PCYT1B: variants seen among roughly 807,000 people sequenced by gnomAD.
PCYT1B encodes the protein choline-phosphate cytidylyltransferase B.
A neutral mutation model predicts 26.4 loss-of-function variants in PCYT1B; 10 were observed. That is an observed-to-expected ratio of 0.38 (90% CI 0.23 to 0.64). The LOEUF (loss-of-function observed/expected upper bound fraction) is 0.64, where lower values mean the gene tolerates loss of function less well. Ranked by LOEUF, PCYT1B falls within the 30% of genes least tolerant of loss-of-function variation. PCYT1B has a pLI of 0.56. For synonymous variants in PCYT1B, 131 were observed against 108.4 expected, an observed-to-expected ratio of 1.21 and a Z score of -1.29; for missense variants, 161 against 292.7, an observed-to-expected ratio of 0.55 and a Z score of 3.28.
intron 1 of PCYT1B, among the ~76,000 whole-genome samples, chrX:24,628,771 T>C (rs1423315543): frequency 8.9e-6 from 1 of 111,997 alleles, no homozygotes; most frequent in Non-Finnish European, 1.9e-5. Context: ...GTAATTTAAA[T>C]ACTTCTCCAT....
At chrX:24,642,493 A>T (rs764128138) in intron 1 of PCYT1B, among the ~76,000 whole-genome samples, 1 of 112,558 alleles carries the variant, frequency 8.9e-6, no homozygotes, top group African/African-American at 3.2e-5. Context: ...TATTTCTTCC[A>T]TAAGGGTTTA....
In PCYT1B at chrX:24,615,211, A is replaced by C. The variant is rs147178996; in HGVS notation, c.217+3774T>G. On this transcript the variant is annotated intron_variant, in intron 2 of 7. Transcript: ENST00000379144. Reference sequence around the variant, plus strand: ...CACGGATTTTCTTAGATAATTTCCCAGGGTCATCACCTCAGGTTAGTGGGC... The same window carrying C: ...CACGGATTTTCTTAGATAATTTCCCCGGGTCATCACCTCAGGTTAGTGGGC... Among the ~76,000 whole-genome samples the C allele has an allele frequency of 2.0e-4, 22 of 112,157 alleles. No individual in the cohort carries two copies. In the East Asian group the frequency reaches 6.1e-3, roughly 31 times the overall value.
At chrX:24,633,059 A>T (rs1926149639) in intron 1 of PCYT1B, among the ~76,000 whole-genome samples, 1 of 108,072 alleles carries the variant, frequency 9.3e-6, no homozygotes, top group South Asian at 4.1e-4. Flanking sequence ...AAAATACAAA[A>T]ATGAGCTGGG....
In PCYT1B at chrX:24,560,358, C is replaced by A. The variant is rs1923361316; in HGVS notation, c.*1935G>T. ...AGTGCCAACTAACTCAAATGGTAGG[C>A]AGACTTGCATGGCTTGACCTGAGTG... On this transcript the variant is annotated 3_prime_UTR_variant, in exon 8 of 8. Transcript: ENST00000379144. 8.9e-6 allele frequency: 1 copy of A among 112,060 alleles called. No homozygotes were observed. The highest frequency in any genetic ancestry group is 9.5e-5 in the Admixed American group (1 of 10,567). The allele number at this position is 112,060 out of a possible 1,213,427, so 9.2% of individuals were successfully genotyped here.
intron 3 of PCYT1B, among the ~76,000 whole-genome samples, chrX:24,606,420 G>A (rs1925137245): frequency 8.9e-6 from 1 of 112,132 alleles, no homozygotes; most frequent in African/African-American, 3.2e-5. Flanking sequence ...CAAGGGTTGG[G>A]TTCTCTGCCT....
chrX:24,605,891 T>C (rs1253181163), intron 3 of PCYT1B, among the ~76,000 whole-genome samples: 1 of 108,896 alleles, frequency 9.2e-6, no homozygotes, highest in African/African-American at 3.3e-5. Flanking sequence ...CCGTCTCTAC[T>C]AAAAATACAA....
chrX:24,591,312 T>G (rs983732736), intron 3 of PCYT1B, among the ~76,000 whole-genome samples: 1 of 111,963 alleles, frequency 8.9e-6, no homozygotes, highest in Non-Finnish European at 1.9e-5. Context: ...GTGGGTACAG[T>G]CCCTGTTTAC....
intron 1 of PCYT1B, among the ~76,000 whole-genome samples, chrX:24,620,219 A>G (rs1218961546): frequency 8.9e-6 from 1 of 112,308 alleles, no homozygotes; most frequent in Non-Finnish European, 1.9e-5. Flanking sequence ...ACTCATTCAA[A>G]TAAGTGGCAG....
At position 24,670,080 on chromosome X, in the gene PCYT1B, GAAA is replaced by G. The variant is rs1394386393; in HGVS notation, c.63+2487_63+2489del. Among the ~76,000 whole-genome samples, 6 of 82,193 alleles carry G rather than the reference GAAA, an allele frequency of 7.3e-5. No homozygotes were observed. In the East Asian group the frequency reaches 1.2e-3, roughly 16 times the overall value. The allele number at this position is 82,193 out of a possible 115,157, so 71.4% of individuals were successfully genotyped here. On this transcript the variant is annotated intron_variant, in intron 1 of 7. Coordinates refer to the PCYT1B transcript ENST00000379145. ...AGAAAGAAAGAAAGAAAGAAAGAAAGAAAGAAAGAAAGAAAGAAAGAAAGAAAG... is the reference window on the plus strand; with the variant it reads ...AGAAAGAAAGAAAGAAAGAAAGAAAGGAAAGAAAGAAAGAAAGAAAGAAAG...
chrX:24,637,491 A>AAAAAAAAAAATATATATATAT, intron 1 of PCYT1B, among the ~76,000 whole-genome samples: 1 of 52,892 alleles, frequency 1.9e-5, no homozygotes, highest in African/African-American at 1.5e-4. Context: ...AAAAAAAAAA[A>AAAAAAAAAAATATATATATAT]ATATATATAT....
At chrX:24,645,524 C>T (rs2148272854) in intron 1 of PCYT1B, among the ~76,000 whole-genome samples, 1 of 110,995 alleles carries the variant, frequency 9.0e-6, no homozygotes, top group South Asian at 3.8e-4. Context: ...GAGTGAGTCT[C>T]TCTCTCTATT....
intron 1 of PCYT1B, among the ~76,000 whole-genome samples, chrX:24,625,305 T>C (rs1335365450): frequency 8.9e-6 from 1 of 112,369 alleles, no homozygotes; most frequent in Non-Finnish European, 1.9e-5. Context: ...TAGGTTTATA[T>C]TTACTTGTTT....
intron 7 of PCYT1B, among the ~76,000 whole-genome samples, chrX:24,571,743 C>T (rs1239525273): frequency 9.0e-6 from 1 of 111,281 alleles, no homozygotes; most frequent in African/African-American, 3.3e-5. Flanking sequence ...GATCACACCA[C>T]TTCACTCCAG....
intron 1 of PCYT1B, among the ~76,000 whole-genome samples, chrX:24,646,081 C>A (rs919161554): frequency 8.9e-6 from 1 of 111,942 alleles, no homozygotes; most frequent in Non-Finnish European, 1.9e-5. Flanking sequence ...ACTAGTGTGT[C>A]TTTTGGATTG....
intron 4 of PCYT1B, among the ~76,000 whole-genome samples, chrX:24,589,313 C>G (rs1391509010): frequency 8.9e-6 from 1 of 111,888 alleles, no homozygotes; most frequent in Non-Finnish European, 1.9e-5. Context: ...ACAGCTTAAT[C>G]TTATTTTTTT....
chrX:24,566,493 C>G (rs149727935), intron 7 of PCYT1B, among the ~76,000 whole-genome samples: 1 of 111,652 alleles, frequency 9.0e-6, no homozygotes, highest in South Asian at 3.8e-4. Context: ...AGTGATAACC[C>G]GAAATGCTAA....
At chrX:24,581,343 G>C (rs943711310) in intron 5 of PCYT1B, among the ~76,000 whole-genome samples, 8 of 111,517 alleles carry the variant, frequency 7.2e-5, no homozygotes, top group Admixed American at 4.7e-4. Context: ...ACAACTGCAG[G>C]GGGGGACTGC....
intron 1 of PCYT1B, among the ~76,000 whole-genome samples, chrX:24,638,740 AC>A (rs1926377631): frequency 9.0e-6 from 1 of 111,671 alleles, no homozygotes; most frequent in African/African-American, 3.3e-5. Context: ...CTGGACTTTA[AC>A]CCCAAGTAGC....
chrX:24,586,470 C>A (rs1487697426), intron 5 of PCYT1B, among the ~76,000 whole-genome samples: 2 of 112,214 alleles, frequency 1.8e-5, no homozygotes, highest in Admixed American at 1.9e-4. Flanking sequence ...ATGGTGGGAG[C>A]AAGCTGAGTG....
Sources: gnomAD v4.1 joint callset for allele counts (sites outside exome capture counted in the v4.1 genomes callset) on GRCh38, gnomAD v4.1.1 for gene constraint, MANE v1.5 for transcripts, NCBI Gene and HGNC (gene_info 2026-07-23, HGNC 2026-07-21) for gene names.